Variants in ZNF678 observed in about 807,000 individuals in gnomAD.
ZNF678 encodes zinc finger protein 678.
Under a neutral mutation model 3.0 loss-of-function variants are expected in ZNF678, and 5 were observed. That is an observed-to-expected ratio of 1.69 (90% CI 0.88 to 3.56). The LOEUF (loss-of-function observed/expected upper bound fraction) is 3.56. ZNF678 is among the 30% of genes most tolerant of loss of function. The probability of loss-of-function intolerance (pLI) is 0.00; values close to 1 mark genes in which losing one functional copy is unlikely to be tolerated. For missense variants in ZNF678, 593 were observed against 605.0 expected, an observed-to-expected ratio of 0.98 and a Z score of 0.21; for synonymous variants, 218 against 199.6, an observed-to-expected ratio of 1.09 and a Z score of -0.78.
intron 1 of ZNF678, among the ~76,000 whole-genome samples, chr1:227,616,463 T>G (rs889635973): frequency 3.3e-5 from 5 of 152,240 alleles, no homozygotes; most frequent in Non-Finnish European, 5.9e-5. Context: ...GAAACAAATC[T>G]GACATTTGGG....
rs1658967044 is a variant in ZNF678, at chr1:227,646,665, C to G, written c.-42C>G. 2 of 1,371,774 alleles carry G rather than the reference C, an allele frequency of 1.5e-6. No individual in the cohort carries two copies. The highest frequency in any genetic ancestry group is 1.5e-5 in the African/African-American group (1 of 67,840). The allele number at this position is 1,371,774 out of a possible 1,614,324, so 85.0% of individuals were successfully genotyped here. The stretch of plus-strand genomic sequence containing the variant: ...TTCGAGAACTACAGAAACCTGGTCT[C>G]CCTGGGTGAGGATAACTTCAATACA... On this transcript the variant is annotated 5_prime_UTR_variant, in exon 2 of 4. Transcript: ENST00000343776.
chr1:227,606,348 G>A (rs1424446034), intron 1 of ZNF678, among the ~76,000 whole-genome samples: 3 of 152,214 alleles, frequency 2.0e-5, no homozygotes, highest in South Asian at 2.1e-4. Flanking sequence ...GTGCCCGGAT[G>A]TACACATAGG....
chr1:227,672,624 TG>T (rs1659620433), intron 5 of ZNF678, among the ~76,000 whole-genome samples: 1 of 152,106 alleles, frequency 6.6e-6, no homozygotes, highest in African/African-American at 2.4e-5. Context: ...AAGCCTACTT[TG>T]GTGCCCAGGC....
At chr1:227,569,493 C>T (rs901281440) in intron 1 of ZNF678, among the ~76,000 whole-genome samples, 2 of 152,082 alleles carry the variant, frequency 1.3e-5, no homozygotes, top group African/African-American at 4.8e-5. Context: ...TAAGAGCACG[C>T]AAAAGTTGAG....
At chr1:227,575,503 C>T (rs904063279) in intron 1 of ZNF678, among the ~76,000 whole-genome samples, 2 of 151,916 alleles carry the variant, frequency 1.3e-5, no homozygotes, top group Non-Finnish European at 2.9e-5. Flanking sequence ...TTTTTTGTGG[C>T]AGTTGTGAGT....
At chr1:227,603,857 C>G (rs1432832866) in intron 1 of ZNF678, among the ~76,000 whole-genome samples, 1 of 152,226 alleles carries the variant, frequency 6.6e-6, no homozygotes, top group African/African-American at 2.4e-5. Flanking sequence ...TCATTCTCAT[C>G]TTAGTGTTAC....
At chr1:227,599,115 T>C (rs1215259828) in intron 1 of ZNF678, 1 of 1,581,060 alleles carries the variant, frequency 6.3e-7, no homozygotes, top group African/African-American at 1.3e-5. Flanking sequence ...GCCATTGCTA[T>C]TGGGTTTATA....
chr1:227,601,016 A>G (rs1321486958), intron 1 of ZNF678, among the ~76,000 whole-genome samples: 1 of 152,196 alleles, frequency 6.6e-6, no homozygotes, highest in Non-Finnish European at 1.5e-5. Flanking sequence ...AGCATCATTT[A>G]TTAAATTGGA....
chr1:227,635,576 G>A (rs191807242), intron 1 of ZNF678, among the ~76,000 whole-genome samples: 79 of 134,926 alleles, frequency 5.9e-4, no homozygotes, highest in African/African-American at 2.0e-3. Flanking sequence ...GCAACATGCT[G>A]TTTTAATGAG....
chr1:227,591,683 C>T (rs1447725157), intron 1 of ZNF678, among the ~76,000 whole-genome samples: 1 of 152,140 alleles, frequency 6.6e-6, no homozygotes, highest in Non-Finnish European at 1.5e-5. Flanking sequence ...TCATAACACA[C>T]ATCAGGTTGG....
In ZNF678 at chr1:227,646,532, T is replaced by C. The variant is rs9426531; in HGVS notation, c.-163-12T>C. The C allele has an allele frequency of 4.7e-3, 6,046 of 1,289,574 alleles. 107 individuals carry two copies. In the African/African-American group the frequency reaches 0.057, roughly 12 times the overall value. The allele number at this position is 1,289,574 out of a possible 1,614,324, so 79.9% of individuals were successfully genotyped here. On this transcript the variant is annotated splice_polypyrimidine_tract_variant and intron_variant, in intron 1 of 3. Coordinates refer to ENST00000343776, the MANE Select transcript of ZNF678 (RefSeq NM_001367909.1). ...CATTTTGTAAATACGTGTGTATTTT[T>C]CCCCCCCCCAGGGACTACTGGCATT...
In ZNF678 at chr1:227,630,436, G is replaced by A. The variant is rs28855203; in HGVS notation, c.-163-16108G>A. Among the ~76,000 whole-genome samples, 9 of 152,266 alleles carry A rather than the reference G, an allele frequency of 5.9e-5. No individual in the cohort carries two copies. In the East Asian group the frequency reaches 7.7e-4, roughly 13 times the overall value. On this transcript the variant is annotated intron_variant, in intron 1 of 3. Coordinates refer to ENST00000343776, the MANE Select transcript of ZNF678 (RefSeq NM_001367909.1). Reference sequence around the variant, plus strand: ...CTGTCATTGACCTGACTGAGATACCGGAGATCACCAAACTCTTGGGCTGCA... The same window carrying A: ...CTGTCATTGACCTGACTGAGATACCAGAGATCACCAAACTCTTGGGCTGCA...
intron 1 of ZNF678, among the ~76,000 whole-genome samples, chr1:227,617,385 C>T (rs1412207849): frequency 1.3e-5 from 2 of 152,176 alleles, no homozygotes; most frequent in East Asian, 1.9e-4. Flanking sequence ...CTTGCTAAAC[C>T]ACTGTCTCTC....
chr1:227,662,869 T>C (rs1467427858), downstream of ZNF678, among the ~76,000 whole-genome samples: 1 of 152,198 alleles, frequency 6.6e-6, no homozygotes, highest in Non-Finnish European at 1.5e-5. Context: ...CTGCAGGTGA[T>C]TACTATATAT....
chr1:227,599,144 A>G, intron 1 of ZNF678: 2 of 1,331,864 alleles, frequency 1.5e-6, no homozygotes, highest in South Asian at 1.2e-5. Context: ...GATGTAGAAC[A>G]TATTCCTCCA....
chr1:227,623,473 G>C (rs887714315), intron 1 of ZNF678, among the ~76,000 whole-genome samples: 1 of 152,124 alleles, frequency 6.6e-6, no homozygotes, highest in African/African-American at 2.4e-5. Flanking sequence ...AGCACTGGCT[G>C]GTATAGTGAA....
chr1:227,657,311 C>G lies in ZNF678; in HGVS notation c.*1483C>G, dbSNP rs1659275808. On this transcript the variant is annotated 3_prime_UTR_variant, in exon 4 of 4. Coordinates refer to ENST00000343776, the MANE Select transcript of ZNF678 (RefSeq NM_001367909.1). ...TCCTGAGGCCTCATCAGAAGTTAAG[C>G]AGATGTTGATGTCATGCTTGTATAG... The G allele has an allele frequency of 6.6e-6, 1 of 151,928 alleles. No homozygotes were observed. Among genetic ancestry groups the G allele is most frequent in the African/African-American group, 2.4e-5 (1 of 41,382 alleles). The allele number at this position is 151,928 out of a possible 1,614,324, so 9.4% of individuals were successfully genotyped here. A position where few individuals can be genotyped will look rare whatever the true frequency, so the allele number is the denominator to read the frequency against.
intron 1 of ZNF678, among the ~76,000 whole-genome samples, chr1:227,600,139 T>C (rs935262271): frequency 6.6e-6 from 1 of 152,194 alleles, no homozygotes; most frequent in East Asian, 1.9e-4. Flanking sequence ...GGACATGATC[T>C]CATTTTTTTT....
At chr1:227,596,891 A>G (rs1657605383) in intron 1 of ZNF678, among the ~76,000 whole-genome samples, 1 of 152,246 alleles carries the variant, frequency 6.6e-6, no homozygotes, top group Non-Finnish European at 1.5e-5. Flanking sequence ...AAAAAAGAAA[A>G]TTATAAAATA....
Sources: allele counts gnomAD v4.1 joint callset (sites outside exome capture counted in the v4.1 genomes callset), GRCh38; gene constraint gnomAD v4.1.1; transcripts MANE v1.5; gene names NCBI Gene and HGNC (gene_info 2026-07-23, HGNC 2026-07-21).